The following PPIB variants were observed in gnomAD, a reference collection of about 807,000 sequenced individuals.
PPIB encodes peptidylprolyl isomerase B.
PPIB carries 15 observed loss-of-function variants against 20.1 expected under a neutral mutation model. That is an observed-to-expected ratio of 0.75 (90% CI 0.50 to 1.15). The LOEUF is 1.15. Among genes scored for constraint, PPIB ranks in the 50% most tolerant of loss-of-function variants. PPIB has a pLI of 0.00. For synonymous variants in PPIB, 129 were observed against 111.0 expected, an observed-to-expected ratio of 1.16 and a Z score of -1.02; for missense variants, 278 against 283.0, an observed-to-expected ratio of 0.98 and a Z score of 0.13.
rs148722035 is a variant in PPIB, at chr15:64,157,682, T to G, written c.344-773A>C. Among the ~76,000 whole-genome samples the G allele has an allele frequency of 6.6e-6, 1 of 152,358 alleles. No individual in the cohort carries two copies. Among genetic ancestry groups the G allele is most frequent in the Non-Finnish European group, 1.5e-5 (1 of 68,034 alleles). ...AGCCAAAAATGGGGTCATTTTCATT[T>G]TGTTTTATCTAACACCTTTCAAACA... On this transcript the variant is annotated intron_variant, in intron 3 of 4. Coordinates refer to ENST00000300026, the MANE Select transcript of PPIB (RefSeq NM_000942.5). The surrounding 1 kb of genome is among the most constrained non-coding windows in gnomAD (Gnocchi z 4.2).
In PPIB at chr15:64,158,722, A is replaced by T. The variant is rs780852508; in HGVS notation, c.343+1382T>A. Among the ~76,000 whole-genome samples, 1 of 152,228 alleles carries T rather than the reference A, an allele frequency of 6.6e-6. No homozygotes were observed. The highest frequency in any genetic ancestry group is 1.5e-5 in the Non-Finnish European group (1 of 68,034). On this transcript the variant is annotated intron_variant, in intron 3 of 4. Transcript: ENST00000300026. This position sits in a 1 kb window ranked among gnomAD's most constrained non-coding sequence, Gnocchi z 4.7. ...CCACCTTTGGCCAAGCTCCTGCCACAGAACAGCACCGGGCTCATGCCCTAA... is the reference window on the plus strand; with the variant it reads ...CCACCTTTGGCCAAGCTCCTGCCACTGAACAGCACCGGGCTCATGCCCTAA...
In PPIB at chr15:64,161,814, C is replaced by T. The variant is rs1376079937; in HGVS notation, c.249+227G>A. Among the ~76,000 whole-genome samples the T allele has an allele frequency of 6.6e-6, 1 of 152,146 alleles. No individual in the cohort carries two copies. The highest frequency in any genetic ancestry group is 1.5e-5 in the Non-Finnish European group (1 of 68,030). ...GAACTCCTGGGCTCAAGCAATCCTCCTACTTTGGCCTCCAAAAGTGCTGGG... is the reference window on the plus strand; with the variant it reads ...GAACTCCTGGGCTCAAGCAATCCTCTTACTTTGGCCTCCAAAAGTGCTGGG... On this transcript the variant is annotated intron_variant, in intron 2 of 4. Coordinates refer to ENST00000300026, the MANE Select transcript of PPIB (RefSeq NM_000942.5). The surrounding 1 kb of genome is among the most constrained non-coding windows in gnomAD (Gnocchi z 4.2).
At position 64,158,035 on chromosome 15, in the gene PPIB, GA is replaced by G. The variant is rs1351368953; in HGVS notation, c.344-1127del. On this transcript the variant is annotated intron_variant, in intron 3 of 4. Coordinates refer to ENST00000300026, the MANE Select transcript of PPIB (RefSeq NM_000942.5). The surrounding 1 kb of genome is among the most constrained non-coding windows in gnomAD (Gnocchi z 4.7). ...GGATTTTGATTATAGTTGTTATCCA[GA>G]AAACCCCCAAATCTCCATCCTTAGC... Among the ~76,000 whole-genome samples the G allele has an allele frequency of 6.6e-6, 1 of 152,158 alleles. No homozygotes were observed. Among genetic ancestry groups the G allele is most frequent in the African/African-American group, 2.4e-5 (1 of 41,432 alleles).
chr15:64,160,675 T>C lies in PPIB; in HGVS notation c.250-478A>G, dbSNP rs147082159. Among the ~76,000 whole-genome samples, 32 of 152,332 alleles carry C rather than the reference T, an allele frequency of 2.1e-4. No homozygotes were observed. Among genetic ancestry groups the C allele is most frequent in the African/African-American group, 7.2e-4 (30 of 41,570 alleles). On this transcript the variant is annotated intron_variant, in intron 2 of 4. Transcript: ENST00000300026. This position sits in a 1 kb window ranked among gnomAD's most constrained non-coding sequence, Gnocchi z 4.8. ...ATTATTATTTTTTTGAGACAGAGTTTCTCTCTTGTCACCCAGGCTGGAGTG... is the reference window on the plus strand; with the variant it reads ...ATTATTATTTTTTTGAGACAGAGTTCCTCTCTTGTCACCCAGGCTGGAGTG...
At position 64,162,092 on chromosome 15, in the gene PPIB, T is replaced by G. The variant is rs370565028; in HGVS notation, c.198A>C (p.Gly66=). 23 of 1,614,212 alleles carry G rather than the reference T, an allele frequency of 1.4e-5. No homozygotes were observed. Among genetic ancestry groups the G allele is most frequent in the Non-Finnish European group, 1.9e-5 (22 of 1,180,030 alleles). Residue 66 remains glycine (G), a synonymous_variant, in exon 2 of 5, where the codon GGA becomes GGC. Transcript: ENST00000300026. The part of the protein sequence containing the change: ...DVGRVIFGLF[G]KTVPKTVDNF... The stretch of plus-strand genomic sequence containing the variant: ...TATCCACTGTTTTTGGAACAGTCTT[T>G]CCGAAGAGACCAAAGATCACCCGGC...
rs780878576 is a variant in PPIB at position 64,156,472 on chromosome 15, G to A, written c.528+253C>T. The A allele has an allele frequency of 5.3e-5, 33 of 622,476 alleles. No homozygotes were observed. The highest frequency in any genetic ancestry group is 7.4e-5 in the Non-Finnish European group (26 of 351,618). The allele number at this position is 622,476 out of a possible 1,614,324, so 38.6% of individuals were successfully genotyped here. ...TATACCTCAGGGGTGGGACCAGCAC[G>A]TCACTGAGTGAAGGAGGGGAGGGAG... is the stretch of plus-strand genomic sequence containing the variant. On this transcript the variant is annotated intron_variant, in intron 4 of 4. Coordinates refer to ENST00000300026, the MANE Select transcript of PPIB (RefSeq NM_000942.5). The surrounding 1 kb of genome is among the most constrained non-coding windows in gnomAD (Gnocchi z 6.4).
At position 64,156,266 on chromosome 15, in the gene PPIB, A is replaced by C; in HGVS notation, c.529-121T>G. ...CCACAAGTGATCAACAGCACACAAA[A>C]CTGGAGGCACCAAAATTCTAACAGA... On this transcript the variant is annotated intron_variant, in intron 4 of 4. Transcript: ENST00000300026. This position sits in a 1 kb window ranked among gnomAD's most constrained non-coding sequence, Gnocchi z 6.4. The C allele has an allele frequency of 7.8e-7, 1 of 1,280,162 alleles. No homozygotes were observed. The highest frequency in any genetic ancestry group is 1.1e-6 in the Non-Finnish European group (1 of 902,824). The allele number at this position is 1,280,162 out of a possible 1,614,324, so 79.3% of individuals were successfully genotyped here. A position where few individuals can be genotyped will look rare whatever the true frequency, so the allele number is the denominator to read the frequency against.
At position 64,155,969 on chromosome 15, in the gene PPIB, G is replaced by A; in HGVS notation, c.*54C>T. Reference sequence around the variant, plus strand: ...GGGCCAGTGCAGCTCAGAGCCCTGTGGCGGACTACAGGGCCTGCACAGACG... The same window carrying A: ...GGGCCAGTGCAGCTCAGAGCCCTGTAGCGGACTACAGGGCCTGCACAGACG... On this transcript the variant is annotated 3_prime_UTR_variant, in exon 5 of 5. Coordinates refer to ENST00000300026, the MANE Select transcript of PPIB (RefSeq NM_000942.5). 6.2e-7 allele frequency: 1 copy of A among 1,612,938 alleles called. No homozygotes were observed. The highest frequency in any genetic ancestry group is 8.5e-7 in the Non-Finnish European group (1 of 1,179,500).
intron 1 of PPIB, among the ~76,000 whole-genome samples, chr15:64,162,443 C>T (rs1251631910): frequency 2.0e-5 from 3 of 152,160 alleles, no homozygotes; most frequent in Non-Finnish European, 2.9e-5. Flanking sequence ...ATTAGAAAAC[C>T]CATAAGGAGC....
At position 64,162,879 on chromosome 15, in the gene PPIB, C is replaced by A. The variant is rs767692265; in HGVS notation, c.108G>T (p.Lys36Asn). The change falls in exon 1 of 5, where the codon AAG (lysine) becomes AAT (asparagine). Residue 36 changes from lysine (K) to asparagine (N), a missense_variant. Lys to Asn is a moderately conservative substitution (Grantham distance 94). Coordinates refer to ENST00000300026, the MANE Select transcript of PPIB (RefSeq NM_000942.5). Reference protein sequence around the residue: ...LLPGPSAADEKKKGPKVTVKV... With the variant: ...LLPGPSAADENKKGPKVTVKV... ...TGACGGTGACTTTGGGCCCCTTCTT[C>A]TTCTCATCGGCCGCAGAAGGTCCCG... 2 of 1,612,492 alleles carry A rather than the reference C, an allele frequency of 1.2e-6. No homozygotes were observed. Among genetic ancestry groups the A allele is most frequent in the Non-Finnish European group, 1.7e-6 (2 of 1,179,490 alleles).
At position 64,162,977 on chromosome 15, in the gene PPIB, G is replaced by A; in HGVS notation, c.10C>T (p.Leu4Phe). 1 of 1,613,316 alleles carries A rather than the reference G, an allele frequency of 6.2e-7. No individual in the cohort carries two copies. The highest frequency in any genetic ancestry group is 8.5e-7 in the Non-Finnish European group (1 of 1,179,824). The change falls in exon 1 of 5, where the codon CTC (leucine) becomes TTC (phenylalanine). Residue 4 changes from leucine (L) to phenylalanine (F), a missense_variant. Leu to Phe is a conservative substitution (Grantham distance 22). Transcript: ENST00000300026. ...AGCACCTTCATGTTGCGTTCGGAGA[G>A]GCGCAGCATCCACAGGCGGAGGCGA... The part of the protein sequence containing the change: MLR[L>F]SERNMKVLLA...
At position 64,157,128 on chromosome 15, in the gene PPIB, A is replaced by G; in HGVS notation, c.344-219T>C. Reference sequence around the variant, plus strand: ...GCATCAGGCCAGGCTGATGTGGTGAACAGCTCACAGAAGGATTACTTTGAG... The same window carrying G: ...GCATCAGGCCAGGCTGATGTGGTGAGCAGCTCACAGAAGGATTACTTTGAG... On this transcript the variant is annotated intron_variant, in intron 3 of 4. Transcript: ENST00000300026. The surrounding 1 kb of genome is among the most constrained non-coding windows in gnomAD (Gnocchi z 4.2). 1 of 596,214 alleles carries G rather than the reference A, an allele frequency of 1.7e-6. No homozygotes were observed. The highest frequency in any genetic ancestry group is 3.0e-5 in the Admixed American group (1 of 33,772). The allele number at this position is 596,214 out of a possible 1,614,324, so 36.9% of individuals were successfully genotyped here. A position where few individuals can be genotyped will look rare whatever the true frequency, so the allele number is the denominator to read the frequency against.
rs1789572619 is a variant in PPIB, at chr15:64,157,622, G to A, written c.344-713C>T. 6.6e-6 allele frequency: 1 copy of A among 152,468 alleles called. No individual in the cohort carries two copies. Among genetic ancestry groups the A allele is most frequent in the Admixed American group, 6.5e-5 (1 of 15,280 alleles). The allele number at this position is 152,468 out of a possible 1,614,324, so 9.4% of individuals were successfully genotyped here. On this transcript the variant is annotated intron_variant, in intron 3 of 4. Coordinates refer to ENST00000300026, the MANE Select transcript of PPIB (RefSeq NM_000942.5). This position sits in a 1 kb window ranked among gnomAD's most constrained non-coding sequence, Gnocchi z 4.2. ...CCTTCTTTTTCCCTATCACCCCTTG[G>A]AGACTGACACTGTGCATGAGGCCCC...
chr15:64,156,578 G>A lies in PPIB; in HGVS notation c.528+147C>T. ...AGAACCTTGGAGGCATGGAGGTACA[G>A]GGTTTATTCTGGACAGGAGCACTGG... On this transcript the variant is annotated intron_variant, in intron 4 of 4. Coordinates refer to ENST00000300026, the MANE Select transcript of PPIB (RefSeq NM_000942.5). The surrounding 1 kb of genome is among the most constrained non-coding windows in gnomAD (Gnocchi z 6.4). The A allele has an allele frequency of 2.0e-6, 2 of 1,004,850 alleles. No individual in the cohort carries two copies. Among genetic ancestry groups the A allele is most frequent in the Non-Finnish European group, 1.6e-6 (1 of 632,950 alleles). 62.2% of individuals were successfully genotyped at this position (1,004,850 alleles called of 1,614,324 possible). A position where few individuals can be genotyped will look rare whatever the true frequency, so the allele number is the denominator to read the frequency against.
At position 64,159,092 on chromosome 15, in the gene PPIB, C is replaced by T. The variant is rs1044125674; in HGVS notation, c.343+1012G>A. Among the ~76,000 whole-genome samples, 1 of 152,210 alleles carries T rather than the reference C, an allele frequency of 6.6e-6. No homozygotes were observed. The highest frequency in any genetic ancestry group is 2.4e-5 in the African/African-American group (1 of 41,452). ...CTCCACAAATACAGTTCTTTGGTCT[C>T]CTTTGTGAGCCTGAGTCCTAAACGC... On this transcript the variant is annotated intron_variant, in intron 3 of 4. Transcript: ENST00000300026. This position sits in a 1 kb window ranked among gnomAD's most constrained non-coding sequence, Gnocchi z 5.1.
rs2081531614 is a variant in PPIB, at chr15:64,156,381, G to A, written c.529-236C>T. On this transcript the variant is annotated intron_variant, in intron 4 of 4. Transcript: ENST00000300026. This position sits in a 1 kb window ranked among gnomAD's most constrained non-coding sequence, Gnocchi z 6.4. Reference sequence around the variant, plus strand: ...GTAAGACCCAGGTTGGGCCAAGGGTGAGGAGGAGGAAGAGGGTGACCAGGG... The same window carrying A: ...GTAAGACCCAGGTTGGGCCAAGGGTAAGGAGGAGGAAGAGGGTGACCAGGG... The A allele has an allele frequency of 6.2e-6, 4 of 650,088 alleles. No individual in the cohort carries two copies. Among genetic ancestry groups the A allele is most frequent in the South Asian group, 1.8e-5 (1 of 55,388 alleles). The allele number at this position is 650,088 out of a possible 1,614,324, so 40.3% of individuals were successfully genotyped here.
In PPIB at chr15:64,157,686, T is replaced by A. The variant is rs1418637244; in HGVS notation, c.344-777A>T. 6.6e-6 allele frequency among the ~76,000 whole-genome samples: 1 copy of A among 152,228 alleles called. No individual in the cohort carries two copies. The highest frequency in any genetic ancestry group is 1.5e-5 in the Non-Finnish European group (1 of 68,036). On this transcript the variant is annotated intron_variant, in intron 3 of 4. Coordinates refer to ENST00000300026, the MANE Select transcript of PPIB (RefSeq NM_000942.5). The surrounding 1 kb of genome is among the most constrained non-coding windows in gnomAD (Gnocchi z 4.2). ...AAAAATGGGGTCATTTTCATTTTGT[T>A]TTATCTAACACCTTTCAAACATATT...
Position 64,159,860 on chromosome 15 carries a change from G to A in PPIB, c.343+244C>T. The stretch of plus-strand genomic sequence containing the variant: ...GTCACCAGGCTATAGGCCTGGATCA[G>A]CAGGACGGTCACCTGGGAGAGATTC... On this transcript the variant is annotated intron_variant, in intron 3 of 4. Transcript: ENST00000300026. The surrounding 1 kb of genome is among the most constrained non-coding windows in gnomAD (Gnocchi z 5.1). 1 of 590,426 alleles carries A rather than the reference G, an allele frequency of 1.7e-6. No homozygotes were observed. The highest frequency in any genetic ancestry group is 3.0e-6 in the Non-Finnish European group (1 of 330,554). 36.6% of individuals were successfully genotyped at this position (590,426 alleles called of 1,614,324 possible). A position where few individuals can be genotyped will look rare whatever the true frequency, so the allele number is the denominator to read the frequency against.
At position 64,156,458 on chromosome 15, in the gene PPIB, G is replaced by A. The variant is rs939415650; in HGVS notation, c.528+267C>T. 4 of 617,760 alleles carry A rather than the reference G, an allele frequency of 6.5e-6. No individual in the cohort carries two copies. In the East Asian group the frequency reaches 1.1e-4, roughly 17 times the overall value. The allele number at this position is 617,760 out of a possible 1,614,324, so 38.3% of individuals were successfully genotyped here. A position where few individuals can be genotyped will look rare whatever the true frequency, so the allele number is the denominator to read the frequency against. ...TCAGCTGCACTCTGTATACCTCAGG[G>A]GTGGGACCAGCACGTCACTGAGTGA... On this transcript the variant is annotated intron_variant, in intron 4 of 4. Transcript: ENST00000300026. The surrounding 1 kb of genome is among the most constrained non-coding windows in gnomAD (Gnocchi z 6.4).
Sources: allele counts gnomAD v4.1 joint callset (sites outside exome capture counted in the v4.1 genomes callset), GRCh38; gene constraint gnomAD v4.1.1; non-coding constraint Gnocchi (gnomAD v3.1); transcripts MANE v1.5; gene names NCBI Gene and HGNC (gene_info 2026-07-23, HGNC 2026-07-21).